The following GTF3C4 variants were observed in gnomAD, a reference collection of about 807,000 sequenced individuals.
GTF3C4 encodes general transcription factor 3C polypeptide 4.
In GTF3C4, 28 loss-of-function variants were observed where a neutral mutation model predicts 67.5. The ratio of observed to expected loss-of-function variants is 0.41; its 90% CI spans 0.31 to 0.57. GTF3C4 has a LOEUF of 0.57. GTF3C4 is among the 20% of genes least tolerant of loss of function. The probability of loss-of-function intolerance (pLI) is 0.21; values close to 1 mark genes in which losing one functional copy is unlikely to be tolerated. For synonymous variants in GTF3C4, 409 were observed against 393.0 expected (o/e 1.04, Z -0.48); for missense variants, 831 against 1,033.2 (o/e 0.80, Z 2.68).
At chr9:132,675,129 C>A (rs193286796) in intron 1 of GTF3C4, among the ~76,000 whole-genome samples, 91 of 152,188 alleles carry the variant, frequency 6.0e-4, no homozygotes, top group African/African-American at 2.0e-3. Context: ...CTTATTTAAC[C>A]TTCCTAACTT....
In GTF3C4 at chr9:132,679,413, A is replaced by G; in HGVS notation, c.1794A>G (p.Lys598=). 1 of 1,614,060 alleles carries G rather than the reference A, an allele frequency of 6.2e-7. No individual in the cohort carries two copies. Among genetic ancestry groups the G allele is most frequent in the Non-Finnish European group, 8.5e-7 (1 of 1,180,018 alleles). The stretch of plus-strand genomic sequence containing the variant: ...AAACCCCTTCAGAAGCCTTGTGGAA[A>G]CCCACCCATGAGGACTCAAAAATCT... ...MQKTPSEALW[K]PTHEDSKILL... The change falls in exon 2 of 5, where the codon AAA becomes AAG. Residue 598 remains lysine (K), a synonymous_variant. Transcript: ENST00000372146. The surrounding 1 kb of genome is among the most constrained non-coding windows in gnomAD (Gnocchi z 5.9).
chr9:132,670,141 G>T, upstream of GTF3C4: 2 of 1,592,712 alleles, frequency 1.3e-6, no homozygotes, highest in Non-Finnish European at 8.6e-7. Context: ...CCCCCGCCTG[G>T]TGGCAGCCCC....
At chr9:132,681,285 A>G (rs1835940061) in intron 2 of GTF3C4, among the ~76,000 whole-genome samples, 2 of 152,140 alleles carry the variant, frequency 1.3e-5, no homozygotes, top group Admixed American at 1.3e-4. Context: ...TTGTCCAGAT[A>G]CTCCATGAGC....
intron 1 of GTF3C4, among the ~76,000 whole-genome samples, chr9:132,676,626 G>T (rs509646): frequency 0.29 from 43,458 of 151,842 alleles, 8,696 homozygotes; most frequent in African/African-American, 0.56. Flanking sequence ...CAGCCATGGG[G>T]GATATTTTTT....
Position 132,678,282 on chromosome 9 carries a change from C to T in GTF3C4, c.663C>T (p.Tyr221=), listed in dbSNP as rs1421002967. The change falls in exon 2 of 5, where the codon TAC becomes TAT. Residue 221 remains tyrosine, a synonymous_variant. Coordinates refer to ENST00000372146, the MANE Select transcript of GTF3C4 (RefSeq NM_012204.4). This position sits in a 1 kb window ranked among gnomAD's most constrained non-coding sequence, Gnocchi z 6.5. ...IYGERLYETS[Y]RLSKNEAPEG... The stretch of plus-strand genomic sequence containing the variant: ...GAGAACGTCTTTATGAGACCAGTTA[C>T]AGGCTCTCTAAAAATGAGGCCCCGG... 6.2e-7 allele frequency: 1 copy of T among 1,614,188 alleles called. No homozygotes were observed. The highest frequency in any genetic ancestry group is 2.2e-5 in the East Asian group (1 of 44,882).
chr9:132,679,207 G>T lies in GTF3C4; in HGVS notation c.1588G>T (p.Val530Phe). The T allele has an allele frequency of 5.0e-6, 8 of 1,614,198 alleles. No individual in the cohort carries two copies. The highest frequency in any genetic ancestry group is 6.8e-6 in the Non-Finnish European group (8 of 1,180,030). ...AGCTGCTCAGCTCCTGGAATCTTCA[G>T]TTCAAAACCTTTTTAAGCAGGTAGA... ...EAAAQLLESS[V>F]QNLFKQVDLI... The change falls in exon 2 of 5, where the codon GTT (valine) becomes TTT (phenylalanine). Residue 530 changes from valine to phenylalanine, a missense_variant. This residue lies in a region of GTF3C4 where 390 missense variants were observed against 540.3 expected (regional missense o/e 0.72). Coordinates refer to ENST00000372146, the MANE Select transcript of GTF3C4 (RefSeq NM_012204.4). This position sits in a 1 kb window ranked among gnomAD's most constrained non-coding sequence, Gnocchi z 5.9.
intron 3 of GTF3C4, among the ~76,000 whole-genome samples, chr9:132,686,920 A>G (rs888187858): frequency 6.6e-6 from 1 of 152,218 alleles, no homozygotes; most frequent in Admixed American, 6.5e-5. Flanking sequence ...AATATAATAC[A>G]TGATCAATTT....
At position 132,670,753 on chromosome 9, in the gene GTF3C4, C is replaced by T. The variant is rs751151981; in HGVS notation, c.155C>T (p.Thr52Ile). The T allele has an allele frequency of 1.9e-6, 3 of 1,558,056 alleles. No homozygotes were observed. The highest frequency in any genetic ancestry group is 1.7e-6 in the Non-Finnish European group (2 of 1,158,346). The change falls in exon 1 of 5, where the codon ACT becomes ATT. Residue 52 changes from threonine (T) to isoleucine (I), a missense_variant. Thr to Ile is a moderately conservative substitution (Grantham distance 89, BLOSUM62 -1). Coordinates refer to ENST00000372146, the MANE Select transcript of GTF3C4 (RefSeq NM_012204.4). Reference sequence around the variant, plus strand: ...AGCGCTGCATTCCGCCTCATGGTGACTCGGCGGGAGCCGGCCGTGAAGCTG... The same window carrying T: ...AGCGCTGCATTCCGCCTCATGGTGATTCGGCGGGAGCCGGCCGTGAAGCTG... ...GPSAAFRLMVTRREPAVKLQY... is the reference protein window; with the variant it reads ...GPSAAFRLMVIRREPAVKLQY...
intron 1 of GTF3C4, among the ~76,000 whole-genome samples, 198 bp downstream of exon 1, chr9:132,671,153 G>A (rs550685732): frequency 6.6e-6 from 1 of 151,990 alleles, no homozygotes; most frequent in South Asian, 2.1e-4. Context: ...TCTGCACCCT[G>A]TTTCCCCAGG....
chr9:132,680,150 C>T (rs192849192), intron 2 of GTF3C4, among the ~76,000 whole-genome samples: 145 of 152,292 alleles, frequency 9.5e-4, no homozygotes, highest in Admixed American at 1.7e-3. Context: ...CCCTGCCCTT[C>T]CTCTTTTGCA....
At position 132,670,591 on chromosome 9, in the gene GTF3C4, G is replaced by C; in HGVS notation, c.-8G>C. The C allele has an allele frequency of 6.9e-7, 1 of 1,442,722 alleles. No homozygotes were observed. The highest frequency in any genetic ancestry group is 1.5e-5 in the African/African-American group (1 of 67,210). The allele number at this position is 1,442,722 out of a possible 1,614,324, so 89.4% of individuals were successfully genotyped here. A position where few individuals can be genotyped will look rare whatever the true frequency, so the allele number is the denominator to read the frequency against. ...GCCAGGGCGTCCGACCTCTGCACCTGAGAGAAGATGAACACGGCCGACCAG... is the reference window on the plus strand; with the variant it reads ...GCCAGGGCGTCCGACCTCTGCACCTCAGAGAAGATGAACACGGCCGACCAG... On this transcript the variant is annotated 5_prime_UTR_variant, in exon 1 of 5. Coordinates refer to ENST00000372146, the MANE Select transcript of GTF3C4 (RefSeq NM_012204.4).
chr9:132,683,824 C>T (rs1835984140), intron 3 of GTF3C4, 131 bp downstream of exon 3: 2 of 884,062 alleles, frequency 2.3e-6, no homozygotes, highest in African/African-American at 1.7e-5. Flanking sequence ...AGAAAAGCTG[C>T]TATTATAAAG....
At chr9:132,670,383 C>A, upstream of GTF3C4, 1 of 1,200,760 alleles carries the variant, frequency 8.3e-7, no homozygotes, top group Non-Finnish European at 1.1e-6. Flanking sequence ...CTCGGGGCTC[C>A]CCGCTCGCTG....
At position 132,670,517 on chromosome 9, in the gene GTF3C4, T is replaced by G. The variant is rs1835692988; in HGVS notation, c.-82T>G. 8.7e-7 allele frequency: 1 copy of G among 1,145,378 alleles called. No homozygotes were observed. Among genetic ancestry groups the G allele is most frequent in the African/African-American group, 1.6e-5 (1 of 61,520 alleles). 71.0% of individuals were successfully genotyped at this position (1,145,378 alleles called of 1,614,324 possible). ...GGGAGAAAACCGCCGCGGAGGGCGC[T>G]GGGGGTGGCGGCGGCGGTCCGGGAG... On this transcript the variant is annotated 5_prime_UTR_variant, in exon 1 of 5. Coordinates refer to ENST00000372146, the MANE Select transcript of GTF3C4 (RefSeq NM_012204.4).
At chr9:132,685,495 A>C (rs1331480965) in intron 3 of GTF3C4, among the ~76,000 whole-genome samples, 3 of 150,538 alleles carry the variant, frequency 2.0e-5, no homozygotes, top group Non-Finnish European at 4.4e-5. Context: ...TTTTTTTCCA[A>C]TTTGTATTGC....
In GTF3C4 at chr9:132,693,021, C is replaced by A. The variant is rs763308456; in HGVS notation, c.*4076C>A. On this transcript the variant is annotated 3_prime_UTR_variant, in exon 5 of 5. Transcript: ENST00000372146. Reference sequence around the variant, plus strand: ...GGAATTCAGCCAAACTCCAAAAATACTGAGTTGCTTCTAGTTATCTAAAGT... The same window carrying A: ...GGAATTCAGCCAAACTCCAAAAATAATGAGTTGCTTCTAGTTATCTAAAGT... The A allele has an allele frequency of 6.6e-6, 1 of 152,146 alleles. No homozygotes were observed. Among genetic ancestry groups the A allele is most frequent in the Non-Finnish European group, 1.5e-5 (1 of 68,018 alleles). The allele number at this position is 152,146 out of a possible 1,614,324, so 9.4% of individuals were successfully genotyped here.
intron 1 of GTF3C4, among the ~76,000 whole-genome samples, chr9:132,673,221 A>G (rs1835814523): frequency 6.6e-6 from 1 of 152,096 alleles, no homozygotes; most frequent in Non-Finnish European, 1.5e-5. Flanking sequence ...TTATACAGGT[A>G]TGAAGGAGTA....
chr9:132,670,250 C>G (rs1356157419), upstream of GTF3C4: 11 of 1,524,192 alleles, frequency 7.2e-6, no homozygotes, highest in Admixed American at 1.7e-4. Context: ...CCGGCGCCAT[C>G]TCACCGACGA....
Position 132,679,020 on chromosome 9 carries a change from ACT to A in GTF3C4, c.1405_1406del (p.Ser469ArgfsTer26). ...TGAAGTTTGAACACCAGTTGATTAA[ACT>A]CTCAGATGTGTTTGGCTCAGTGAGG... ...ALKFEHQLIKLSDVFGSVRTH... is the reference protein window; with the variant it reads ...ALKFEHQLIKXSDVFGSVRTH... On this transcript the variant is annotated frameshift_variant, in exon 2 of 5. Transcript: ENST00000372146. LOFTEE classifies it high-confidence loss of function. This position sits in a 1 kb window ranked among gnomAD's most constrained non-coding sequence, Gnocchi z 5.9. The A allele has an allele frequency of 6.2e-7, 1 of 1,613,972 alleles. No individual in the cohort carries two copies. Among genetic ancestry groups the A allele is most frequent in the Non-Finnish European group, 8.5e-7 (1 of 1,179,996 alleles).
Sources: allele counts gnomAD v4.1 joint callset (sites outside exome capture counted in the v4.1 genomes callset), GRCh38; gene constraint gnomAD v4.1.1; regional missense constraint gnomAD v4.1.1; non-coding constraint Gnocchi (gnomAD v3.1); transcripts MANE v1.5; gene names NCBI Gene and HGNC (gene_info 2026-07-23, HGNC 2026-07-21).